KLF13: variants seen among roughly 807,000 people sequenced by gnomAD.
KLF13 encodes the protein Krueppel-like factor 13.
Under a neutral mutation model 16.7 loss-of-function variants are expected in KLF13, and 8 were observed. The observed-to-expected ratio is 0.48, with a 90% CI of 0.28 to 0.87. The LOEUF is 0.87. Among genes scored for constraint, KLF13 ranks in the 40% least tolerant of loss-of-function variants. KLF13 has a pLI of 0.10. For missense variants in KLF13, 447 were observed against 452.2 expected, an observed-to-expected ratio of 0.99 and a Z score of 0.10; for synonymous variants, 245 against 208.4, an observed-to-expected ratio of 1.18 and a Z score of -1.51.
intron 1 of KLF13, among the ~76,000 whole-genome samples, chr15:31,343,269 G>T (rs1299849148): frequency 1.3e-5 from 2 of 152,366 alleles, no homozygotes; most frequent in East Asian, 1.9e-4. Flanking sequence ...CAGCAGCAAG[G>T]TCTGGGGTGG....
chr15:31,362,752 A>G (rs557822461), intron 1 of KLF13, among the ~76,000 whole-genome samples: 11 of 152,112 alleles, frequency 7.2e-5, no homozygotes, highest in South Asian at 2.1e-4. Flanking sequence ...CTCTGTTCCT[A>G]CTTTCCTAGG....
intron 1 of KLF13, among the ~76,000 whole-genome samples, chr15:31,429,694 CTTTTATTTATTTATT>C (rs2040446656): frequency 7.0e-6 from 1 of 142,358 alleles, no homozygotes; most frequent in African/African-American, 2.6e-5. Context: ...GAGAAAGATT[CTTTTATTTATTTATT>C]TATTTATTTA....
At chr15:31,431,948 G>C (rs1416044647) in intron 1 of KLF13, among the ~76,000 whole-genome samples, 1 of 151,786 alleles carries the variant, frequency 6.6e-6, no homozygotes, top group African/African-American at 2.4e-5. Context: ...GGGAATGCCA[G>C]GTGGCAGAGA....
chr15:31,363,724 G>A (rs1382875513), intron 1 of KLF13, among the ~76,000 whole-genome samples: 4 of 152,196 alleles, frequency 2.6e-5, no homozygotes, highest in Non-Finnish European at 1.5e-5. Flanking sequence ...GACCTCAGGT[G>A]ATCCTCCTGC....
chr15:31,359,822 C>G (rs967507110), intron 1 of KLF13, among the ~76,000 whole-genome samples: 1 of 152,206 alleles, frequency 6.6e-6, no homozygotes, highest in Admixed American at 6.5e-5. Context: ...TGGGCTGGCT[C>G]CGTGTGCTTA....
chr15:31,353,831 G>C (rs908368247), intron 1 of KLF13, among the ~76,000 whole-genome samples: 3 of 151,986 alleles, frequency 2.0e-5, no homozygotes, highest in Non-Finnish European at 4.4e-5. Context: ...CTCTCACCGA[G>C]GACTCTATAC....
chr15:31,346,020 C>T (rs1052584659), intron 1 of KLF13, among the ~76,000 whole-genome samples: 3 of 151,938 alleles, frequency 2.0e-5, no homozygotes, highest in East Asian at 1.9e-4. Context: ...CCCTCTGTGC[C>T]GGCATCTGGC....
intron 1 of KLF13, among the ~76,000 whole-genome samples, chr15:31,348,992 A>G (rs1195476688): frequency 6.6e-6 from 1 of 152,100 alleles, no homozygotes; most frequent in African/African-American, 2.4e-5. Flanking sequence ...GCCTCATGAC[A>G]TTATCACCTT....
chr15:31,425,223 C>T (rs968603537), intron 1 of KLF13, among the ~76,000 whole-genome samples: 2 of 152,128 alleles, frequency 1.3e-5, no homozygotes, highest in Non-Finnish European at 2.9e-5. Context: ...AAGAAATTTG[C>T]AGATCCACTG....
rs1162117728 is a variant in KLF13, at chr15:31,374,164, C to T, written c.*1865C>T. 6.6e-6 allele frequency: 1 copy of T among 152,660 alleles called. No individual in the cohort carries two copies. The highest frequency in any genetic ancestry group is 6.5e-5 in the Admixed American group (1 of 15,288). 9.5% of individuals were successfully genotyped at this position (152,660 alleles called of 1,614,324 possible). On this transcript the variant is annotated 3_prime_UTR_variant, in exon 2 of 2. Coordinates refer to ENST00000307145, the MANE Select transcript of KLF13 (RefSeq NM_015995.4). The stretch of plus-strand genomic sequence containing the variant: ...TCCAGAGTGGACAGGTACGCTCTGT[C>T]CACAGCAGCTGCTCAGGCACAGTAT...
At position 31,375,071 on chromosome 15, in the gene KLF13, C is replaced by G. The variant is rs972099748; in HGVS notation, c.*2772C>G. On this transcript the variant is annotated 3_prime_UTR_variant, in exon 2 of 2. Transcript: ENST00000307145. ...ATGGCAGGGTGCGGTCCTTAGGCCC[C>G]GGCCTGGACTGGGAAATGGGGGTAG... 1 of 152,530 alleles carries G rather than the reference C, an allele frequency of 6.6e-6. No homozygotes were observed. The highest frequency in any genetic ancestry group is 2.4e-5 in the African/African-American group (1 of 41,414). The allele number at this position is 152,530 out of a possible 1,614,324, so 9.4% of individuals were successfully genotyped here.
intron 1 of KLF13, chr15:31,339,795 G>A: frequency 1.6e-6 from 1 of 611,950 alleles, no homozygotes; most frequent in Non-Finnish European, 2.9e-6. Flanking sequence ...TGGGCTGGCT[G>A]CGCCCAGTGG....
At chr15:31,356,957 G>A (rs1486803241) in intron 1 of KLF13, among the ~76,000 whole-genome samples, 1 of 152,290 alleles carries the variant, frequency 6.6e-6, no homozygotes, top group South Asian at 2.1e-4. Context: ...CTCACCTCCT[G>A]TGTTCTCAGG....
intron 1 of KLF13, among the ~76,000 whole-genome samples, chr15:31,417,438 T>G (rs1188835550): frequency 6.6e-6 from 1 of 151,760 alleles, no homozygotes; most frequent in Non-Finnish European, 1.5e-5. Flanking sequence ...GAGGTTGCAG[T>G]GAGCTGAGAT....
rs2038719229 is a variant in KLF13, at chr15:31,326,996, T to A, written c.-217T>A. On this transcript the variant is annotated 5_prime_UTR_variant, in exon 1 of 2. The change abolishes an upstream ATG in the 5' untranslated region. Transcript: ENST00000307145. ...GGACCCCAGTCGCCCGCGCGCCCCA[T>A]GCGCTCACTCTTCGGTGCCCGGCCG... 5.0e-6 allele frequency: 1 copy of A among 201,668 alleles called. No individual in the cohort carries two copies. The highest frequency in any genetic ancestry group is 9.1e-6 in the Non-Finnish European group (1 of 109,968). 12.5% of individuals were successfully genotyped at this position (201,668 alleles called of 1,614,324 possible).
chr15:31,418,236 C>G (rs1250952282), intron 1 of KLF13, among the ~76,000 whole-genome samples: 3 of 151,700 alleles, frequency 2.0e-5, no homozygotes, highest in Non-Finnish European at 4.4e-5. Context: ...TTTTTTTTAG[C>G]CTTCAAACAT....
intron 1 of KLF13, among the ~76,000 whole-genome samples, 170 bp downstream of exon 1, chr15:31,327,959 C>G (rs577664034): frequency 2.0e-4 from 29 of 147,754 alleles, no homozygotes; most frequent in Admixed American, 8.0e-4. Context: ...CCCCGCGCGT[C>G]GCGCGAGGCG....
downstream of KLF13, among the ~76,000 whole-genome samples, chr15:31,405,159 G>A (rs142088505): frequency 2.6e-5 from 4 of 152,152 alleles, no homozygotes; most frequent in African/African-American, 7.2e-5. Flanking sequence ...TAGTGCCTTA[G>A]AAAACAAGAG....
chr15:31,424,680 A>T (rs1217952570), intron 1 of KLF13, among the ~76,000 whole-genome samples: 1 of 152,184 alleles, frequency 6.6e-6, no homozygotes, highest in Non-Finnish European at 1.5e-5. Context: ...CTCAGTGGTG[A>T]AAAACTGAAA....
Sources: allele counts gnomAD v4.1 joint callset (sites outside exome capture counted in the v4.1 genomes callset), GRCh38; gene constraint gnomAD v4.1.1; transcripts MANE v1.5; gene names NCBI Gene and HGNC (gene_info 2026-07-23, HGNC 2026-07-21).